The following METTL15 variants were observed in gnomAD, a reference collection of about 807,000 sequenced individuals.
The protein encoded by METTL15 is 12S rRNA N(4)-cytidine methyltransferase METTL15.
Under a neutral mutation model 38.3 loss-of-function variants are expected in METTL15, and 34 were observed. The observed-to-expected ratio is 0.89, with a 90% confidence interval of 0.68 to 1.18. METTL15 has a LOEUF of 1.18. Ranked by LOEUF, METTL15 falls within the 50% of genes most tolerant of loss-of-function variation. The pLI is 0.00. For missense variants in METTL15, 438 were observed against 498.4 expected (o/e 0.88, Z 1.15); for synonymous variants, 162 against 170.9 (o/e 0.95, Z 0.41).
intron 6 of METTL15, among the ~76,000 whole-genome samples, chr11:28,468,634 C>T (rs1851277295): frequency 1.3e-5 from 2 of 152,046 alleles, no homozygotes; most frequent in South Asian, 4.2e-4. Flanking sequence ...CTCTAAGTGC[C>T]TCTAGTGTAG....
intron 5 of METTL15, among the ~76,000 whole-genome samples, chr11:28,370,611 GT>G (rs909974322): frequency 4.0e-5 from 6 of 151,658 alleles, no homozygotes; most frequent in African/African-American, 7.3e-5. Flanking sequence ...TTCTATTTTT[GT>G]TTTTTTGAGA....
At chr11:28,217,241 A>G (rs971942680) in intron 4 of METTL15, among the ~76,000 whole-genome samples, 4 of 151,360 alleles carry the variant, frequency 2.6e-5, no homozygotes, top group African/African-American at 9.7e-5. Flanking sequence ...CTGACTTTTT[A>G]ATGATCGCCA....
chr11:28,156,081 G>T (rs969897808), intron 3 of METTL15, among the ~76,000 whole-genome samples: 3 of 152,050 alleles, frequency 2.0e-5, no homozygotes, highest in Admixed American at 6.6e-5. Flanking sequence ...GGAAAGTTTT[G>T]TATGTTCCCA....
chr11:28,296,680 C>T (rs1294320821), intron 5 of METTL15, 73 bp from the exon 6 acceptor site: 4 of 1,512,508 alleles, frequency 2.6e-6, no homozygotes, highest in Non-Finnish European at 3.6e-6. Context: ...CTTTATGTCT[C>T]AGTACTCTGA....
chr11:28,503,402 C>A (rs555096997), intron 6 of METTL15, among the ~76,000 whole-genome samples: 1 of 152,142 alleles, frequency 6.6e-6, no homozygotes, highest in Non-Finnish European at 1.5e-5. Flanking sequence ...ACTCAGAAAC[C>A]GTATAAGATA....
intron 3 of METTL15, among the ~76,000 whole-genome samples, chr11:28,143,089 A>G (rs1243992940): frequency 6.6e-6 from 1 of 152,066 alleles, no homozygotes; most frequent in Non-Finnish European, 1.5e-5. Flanking sequence ...TAGGATGAAC[A>G]AGGACCCTAT....
intron 6 of METTL15, among the ~76,000 whole-genome samples, chr11:28,455,650 C>G (rs897265262): frequency 3.9e-5 from 6 of 152,158 alleles, no homozygotes; most frequent in African/African-American, 1.4e-4. Context: ...CAGTCTGCCC[C>G]TCTCCCTGTG....
At chr11:28,149,810 AC>A (rs1850017111) in intron 3 of METTL15, among the ~76,000 whole-genome samples, 1 of 151,932 alleles carries the variant, frequency 6.6e-6, no homozygotes. Flanking sequence ...CTATAACAAA[AC>A]AGTACTTAAA....
chr11:28,415,498 T>C (rs1003457233), intron 5 of METTL15, among the ~76,000 whole-genome samples: 1 of 152,204 alleles, frequency 6.6e-6, no homozygotes, highest in African/African-American at 2.4e-5. Context: ...ATTATCTTAT[T>C]CAATCATCAG....
At chr11:28,375,594 T>G (rs1850300505) in intron 5 of METTL15, among the ~76,000 whole-genome samples, 1 of 152,152 alleles carries the variant, frequency 6.6e-6, no homozygotes, top group Non-Finnish European at 1.5e-5. Context: ...TCTATCAATT[T>G]TGTTGATCCT....
intron 6 of METTL15, among the ~76,000 whole-genome samples, chr11:28,426,473 G>T (rs1169281055): frequency 6.6e-6 from 1 of 151,902 alleles, no homozygotes; most frequent in African/African-American, 2.4e-5. Context: ...TGGTATTTCT[G>T]CCTCTGTCTT....
At chr11:28,369,783 T>C (rs1013302293) in intron 5 of METTL15, among the ~76,000 whole-genome samples, 1 of 152,098 alleles carries the variant, frequency 6.6e-6, no homozygotes, top group Admixed American at 6.6e-5. Context: ...CAAGAAGTGC[T>C]AGAGTCCTTC....
chr11:28,207,734 G>C lies in METTL15; in HGVS notation c.271-3328G>C, dbSNP rs745818543. On this transcript the variant is annotated intron_variant, in intron 3 of 6. Transcript: ENST00000407364. ...GTAGAATTTGGCTGTGAATCCATCT[G>C]GTCCTGGACCCTTTTTGGATGGTAA... Among the ~76,000 whole-genome samples the C allele has an allele frequency of 3.3e-5, 5 of 152,206 alleles. No individual in the cohort carries two copies. The South Asian group carries it at 8.3e-4, about 25-fold the overall frequency.
At chr11:28,163,563 G>C in intron 3 of METTL15, 1 of 396,912 alleles carries the variant, frequency 2.5e-6, no homozygotes, top group African/African-American at 2.1e-5. Context: ...GTGTGTGTGT[G>C]TGTGTTTGTC....
intron 4 of METTL15, among the ~76,000 whole-genome samples, chr11:28,215,970 G>T (rs1391496369): frequency 6.6e-6 from 1 of 152,050 alleles, no homozygotes; most frequent in African/African-American, 2.4e-5. Context: ...ATGACATTGC[G>T]CTCCAACCTT....
chr11:28,523,298 T>A (rs932371191), intron 6 of METTL15, among the ~76,000 whole-genome samples: 6 of 152,230 alleles, frequency 3.9e-5, no homozygotes, highest in Admixed American at 2.0e-4. Flanking sequence ...TTATAATCAA[T>A]AAATGTGAGC....
chr11:28,365,790 G>A (rs767383254), intron 5 of METTL15, among the ~76,000 whole-genome samples: 17 of 152,116 alleles, frequency 1.1e-4, no homozygotes, highest in Non-Finnish European at 2.1e-4. Flanking sequence ...GCTCATGAGC[G>A]CCTGTAATCC....
At chr11:28,482,762 C>T (rs79818225) in intron 6 of METTL15, among the ~76,000 whole-genome samples, 27 of 152,260 alleles carry the variant, frequency 1.8e-4, no homozygotes, top group African/African-American at 5.8e-4. Flanking sequence ...GGCCTACCTA[C>T]GGAGTCAGCA....
intron 6 of METTL15, among the ~76,000 whole-genome samples, chr11:28,505,924 T>G (rs530411692): frequency 6.6e-6 from 1 of 152,280 alleles, no homozygotes; most frequent in South Asian, 2.1e-4. Context: ...GCCTAACCCT[T>G]TGCAAGTTCC....
Sources: allele counts gnomAD v4.1 joint callset (sites outside exome capture counted in the v4.1 genomes callset), GRCh38; gene constraint gnomAD v4.1.1; transcripts MANE v1.5; gene names NCBI Gene and HGNC (gene_info 2026-07-23, HGNC 2026-07-21).